The following CCDC69 variants were observed in gnomAD, a reference collection of about 807,000 sequenced individuals.
CCDC69 encodes coiled-coil domain containing 69.
CCDC69 carries 38 observed loss-of-function variants against 40.3 expected under a neutral mutation model. The ratio of observed to expected loss-of-function variants is 0.94; its 90% CI spans 0.73 to 1.24. CCDC69 has a LOEUF of 1.24. CCDC69 is among the 50% of genes most tolerant of loss of function. The probability of loss-of-function intolerance (pLI) is 0.00; values close to 1 mark genes in which losing one functional copy is unlikely to be tolerated. For synonymous variants in CCDC69, 141 were observed against 138.9 expected, an observed-to-expected ratio of 1.02 and a Z score of -0.11; for missense variants, 389 against 357.9, an observed-to-expected ratio of 1.09 and a Z score of -0.70.
intron 1 of CCDC69, among the ~76,000 whole-genome samples, chr5:151,215,100 A>G (rs1753017993): frequency 6.6e-6 from 1 of 152,192 alleles, no homozygotes; most frequent in Non-Finnish European, 1.5e-5. Context: ...ACCCTGAAGG[A>G]GCTGGACAGA....
At chr5:151,203,611 T>C (rs1349350222) in intron 2 of CCDC69, among the ~76,000 whole-genome samples, 1 of 140,384 alleles carries the variant, frequency 7.1e-6, no homozygotes, top group Non-Finnish European at 1.5e-5. Context: ...AGTAAATATA[T>C]ATATTTAGTT....
intron 7 of CCDC69, 43 bp downstream of exon 7, chr5:151,185,379 G>A (rs373959601): frequency 9.6e-5 from 155 of 1,608,816 alleles, no homozygotes; most frequent in Middle Eastern, 1.7e-4. Flanking sequence ...CCCAGAAAGC[G>A]GGAGCCTGAG....
chr5:151,189,755 C>T (rs1240472326), intron 4 of CCDC69, among the ~76,000 whole-genome samples: 3 of 152,050 alleles, frequency 2.0e-5, no homozygotes, highest in East Asian at 1.9e-4. Context: ...TGGTACACTA[C>T]ATATAGGGAA....
At chr5:151,183,846 G>A (rs1766680661) in intron 8 of CCDC69, among the ~76,000 whole-genome samples, 1 of 152,190 alleles carries the variant, frequency 6.6e-6, no homozygotes, top group Admixed American at 6.5e-5. Flanking sequence ...CTACCACTTA[G>A]CTATATAATC....
chr5:151,182,700 G>A lies in CCDC69; in HGVS notation c.*737C>T. The stretch of plus-strand genomic sequence containing the variant: ...GGCACCAAGACTGAAGGGCCAGGAG[G>A]GCTGAGGGGATGCACCTTGCCTGGT... On this transcript the variant is annotated 3_prime_UTR_variant, in exon 9 of 9. Transcript: ENST00000355417. 1 of 288,256 alleles carries A rather than the reference G, an allele frequency of 3.5e-6. No homozygotes were observed. Among genetic ancestry groups the A allele is most frequent in the South Asian group, 3.2e-5 (1 of 30,956 alleles). 17.9% of individuals were successfully genotyped at this position (288,256 alleles called of 1,614,324 possible).
chr5:151,199,471 T>G (rs1338915083), intron 3 of CCDC69, among the ~76,000 whole-genome samples: 2 of 152,132 alleles, frequency 1.3e-5, no homozygotes, highest in Non-Finnish European at 2.9e-5. Context: ...AGAGCCAGAC[T>G]GTTCCCTCAA....
At chr5:151,185,219 C>T (rs1387703595) in intron 7 of CCDC69, 2 of 525,230 alleles carry the variant, frequency 3.8e-6, no homozygotes, top group East Asian at 7.2e-5. Flanking sequence ...TCAAAAGGCA[C>T]AGGACTCAGA....
chr5:151,212,700 C>A, intron 1 of CCDC69: 1 of 445,520 alleles, frequency 2.2e-6, no homozygotes, highest in Admixed American at 2.4e-5. Context: ...GTTAACAGAA[C>A]AAGAGTTGGT....
At chr5:151,204,563 G>C (rs968480798) in intron 2 of CCDC69, among the ~76,000 whole-genome samples, 5 of 152,170 alleles carry the variant, frequency 3.3e-5, no homozygotes, top group Non-Finnish European at 7.3e-5. Flanking sequence ...GCTACCCTGA[G>C]GCCTTAATAC....
Position 151,198,605 on chromosome 5 carries a change from A to G in CCDC69, c.319+392T>C, listed in dbSNP as rs1267878185. Among the ~76,000 whole-genome samples the G allele has an allele frequency of 3.3e-5, 5 of 152,348 alleles. No homozygotes were observed. In the East Asian group the frequency reaches 7.7e-4, roughly 23 times the overall value. On this transcript the variant is annotated intron_variant, in intron 4 of 8. Transcript: ENST00000355417. ...TGTGATGATCACCTTTGGTGATATAAGAGGAAAGAAAGTCATTTTTCAAAA... is the reference window on the plus strand; with the variant it reads ...TGTGATGATCACCTTTGGTGATATAGGAGGAAAGAAAGTCATTTTTCAAAA...
At chr5:151,192,903 G>A (rs1489662957) in intron 4 of CCDC69, among the ~76,000 whole-genome samples, 2 of 132,344 alleles carry the variant, frequency 1.5e-5, no homozygotes, top group Non-Finnish European at 3.2e-5. Flanking sequence ...ACCAAGTGTG[G>A]ATAAAAAAAA....
chr5:151,199,310 A>G (rs1328215008), intron 3 of CCDC69, among the ~76,000 whole-genome samples: 1 of 152,144 alleles, frequency 6.6e-6, no homozygotes, highest in African/African-American at 2.4e-5. Context: ...GTAATTATCC[A>G]CATGGAAAAG....
intron 4 of CCDC69, among the ~76,000 whole-genome samples, chr5:151,192,621 T>C (rs193157000): frequency 6.6e-6 from 1 of 152,368 alleles, no homozygotes; most frequent in East Asian, 1.9e-4. Flanking sequence ...ACCAATTCTA[T>C]ATAATCTCTC....
At chr5:151,215,421 C>T (rs928379699) in intron 1 of CCDC69, 33 of 200,548 alleles carry the variant, frequency 1.6e-4, no homozygotes, top group African/African-American at 7.4e-4. Context: ...TTTTGACATG[C>T]TGTGGATGGG....
chr5:151,187,535 A>G, intron 4 of CCDC69, 76 bp from the exon 5 acceptor site: 1 of 1,237,308 alleles, frequency 8.1e-7, no homozygotes, highest in Non-Finnish European at 1.2e-6. Context: ...GGTGGCCAGG[A>G]AGGTCCAGAT....
intron 2 of CCDC69, among the ~76,000 whole-genome samples, chr5:151,203,370 C>T (rs1752802688): frequency 6.6e-6 from 1 of 151,316 alleles, no homozygotes; most frequent in Non-Finnish European, 1.5e-5. Flanking sequence ...TTTAGGTGGG[C>T]ATGGTGGCAG....
intron 2 of CCDC69, among the ~76,000 whole-genome samples, chr5:151,202,199 A>C (rs1202797161): frequency 6.6e-6 from 1 of 150,812 alleles, no homozygotes; most frequent in Non-Finnish European, 1.5e-5. Flanking sequence ...CTAAAAAAAA[A>C]AAAAAAAAAA....
In CCDC69 at chr5:151,195,438, C is replaced by T. The variant is rs114809237; in HGVS notation, c.319+3559G>A. ...ATGGTATTATTAAAACACAATTCTT[C>T]GGCTGGGCGAGGTGGCTCACGCCTG... On this transcript the variant is annotated intron_variant, in intron 4 of 8. Coordinates refer to ENST00000355417, the MANE Select transcript of CCDC69 (RefSeq NM_015621.3). Among the ~76,000 whole-genome samples the T allele has an allele frequency of 4.7e-3, 710 of 152,116 alleles. 5 individuals carry two copies. Among genetic ancestry groups the T allele is most frequent in the African/African-American group, 0.016 (660 of 41,488 alleles).
intron 1 of CCDC69, 97 bp downstream of exon 1, chr5:151,223,826 C>T: frequency 8.0e-7 from 1 of 1,251,434 alleles, no homozygotes; most frequent in East Asian, 2.8e-5. Context: ...TATCCCGGGC[C>T]GACCAGAGAG....
Sources: allele counts gnomAD v4.1 joint callset (sites outside exome capture counted in the v4.1 genomes callset), GRCh38; gene constraint gnomAD v4.1.1; transcripts MANE v1.5; gene names NCBI Gene and HGNC (gene_info 2026-07-23, HGNC 2026-07-21).